ATXN7L3B: variants seen among roughly 807,000 people sequenced by gnomAD.
ATXN7L3B encodes the protein ataxin 7 like 3B.
ATXN7L3B carries 4 observed loss-of-function variants against 6.3 expected under a neutral mutation model. The observed-to-expected ratio is 0.63, with a 90% CI of 0.31 to 1.45. The LOEUF is 1.45. Among genes scored for constraint, ATXN7L3B ranks in the 40% most tolerant of loss-of-function variants. ATXN7L3B has a pLI of 0.07. For missense variants in ATXN7L3B, 120 were observed against 118.5 expected, an observed-to-expected ratio of 1.01 and a Z score of -0.06; for synonymous variants, 63 against 48.0, an observed-to-expected ratio of 1.31 and a Z score of -1.29.
chr12:74,538,143 A>G lies in ATXN7L3B; in HGVS notation c.31A>G (p.Thr11Ala), dbSNP rs779423791. The change falls in exon 1 of 1, where the codon ACT becomes GCT. Residue 11 changes from threonine to alanine, a missense_variant. Transcript: ENST00000519948. Reference sequence around the variant, plus strand: ...GGAAATTTCGTTGGCCAACCTGGATACTAACAAGCTAGAGGCCATCGCTCA... The same window carrying G: ...GGAAATTTCGTTGGCCAACCTGGATGCTAACAAGCTAGAGGCCATCGCTCA... MEEISLANLD[T>A]NKLEAIAQEI... The G allele has an allele frequency of 1.9e-6, 3 of 1,569,668 alleles. No individual in the cohort carries two copies. The highest frequency in any genetic ancestry group is 2.6e-6 in the Non-Finnish European group (3 of 1,157,418).
In ATXN7L3B at chr12:74,537,927, C is replaced by G; in HGVS notation, c.-186C>G. ...GCAACCCGGGAAACGTCAAAACAAA[C>G]AGAAGGACTTGGGATTCCGGAGCAG... On this transcript the variant is annotated 5_prime_UTR_variant, in exon 1 of 1. Coordinates refer to ENST00000519948, the MANE Select transcript of ATXN7L3B (RefSeq NM_001136262.2). The G allele has an allele frequency of 1.6e-6, 1 of 611,006 alleles. No homozygotes were observed. The highest frequency in any genetic ancestry group is 2.9e-6 in the Non-Finnish European group (1 of 348,994). The allele number at this position is 611,006 out of a possible 1,614,324, so 37.8% of individuals were successfully genotyped here. A position where few individuals can be genotyped will look rare whatever the true frequency, so the allele number is the denominator to read the frequency against.
Position 74,538,473 on chromosome 12 carries a change from A to G in ATXN7L3B, c.*67A>G. On this transcript the variant is annotated 3_prime_UTR_variant, in exon 1 of 1. Transcript: ENST00000519948. ...GACTGGTCCTGTGGCTTCGAGGAGT[A>G]AGCTAAGTAGAAAAAAGTAGAAAAA... 1 of 1,387,990 alleles carries G rather than the reference A, an allele frequency of 7.2e-7. No homozygotes were observed. The highest frequency in any genetic ancestry group is 2.5e-5 in the East Asian group (1 of 39,786). 86.0% of individuals were successfully genotyped at this position (1,387,990 alleles called of 1,614,324 possible). A position where few individuals can be genotyped will look rare whatever the true frequency, so the allele number is the denominator to read the frequency against.
rs1050582985 is a variant in ATXN7L3B, at chr12:74,540,267, C to T, written c.*1861C>T. The T allele has an allele frequency of 1.2e-5, 2 of 167,050 alleles. No homozygotes were observed. The highest frequency in any genetic ancestry group is 4.8e-5 in the African/African-American group (2 of 41,428). The allele number at this position is 167,050 out of a possible 1,614,324, so 10.3% of individuals were successfully genotyped here. ...TGTGCCCTCTTGCTGTGTCTTACTT[C>T]ATAAGGAGTTGTATCTTCCCACCTC... On this transcript the variant is annotated 3_prime_UTR_variant, in exon 1 of 1. Transcript: ENST00000519948.
chr12:74,538,204 T>G lies in ATXN7L3B; in HGVS notation c.92T>G (p.Leu31Trp). The change falls in exon 1 of 1, where the codon TTG (leucine) becomes TGG (tryptophan). Residue 31 changes from leucine (L) to tryptophan (W), a missense_variant. Transcript: ENST00000519948. Reference protein sequence around the residue: ...IYVDLIEDSCLGFCFEVHRAV... With the variant: ...IYVDLIEDSCWGFCFEVHRAV... ...GTAGACCTGATAGAGGATTCTTGTT[T>G]GGGATTCTGCTTTGAGGTGCACCGG... The G allele has an allele frequency of 6.2e-7, 1 of 1,604,284 alleles. No individual in the cohort carries two copies. The highest frequency in any genetic ancestry group is 8.5e-7 in the Non-Finnish European group (1 of 1,175,162).
rs1868921267 is a variant in ATXN7L3B, at chr12:74,542,415, T to G, written c.*4009T>G. On this transcript the variant is annotated 3_prime_UTR_variant, in exon 1 of 1. Transcript: ENST00000519948. Reference sequence around the variant, plus strand: ...ATACATCTGCAGCAAATACTTTTGGTTCCTGTTTTGTAGGTTTGGAGTTTA... The same window carrying G: ...ATACATCTGCAGCAAATACTTTTGGGTCCTGTTTTGTAGGTTTGGAGTTTA... 1 of 152,308 alleles carries G rather than the reference T, an allele frequency of 6.6e-6. No homozygotes were observed. The allele number at this position is 152,308 out of a possible 1,614,324, so 9.4% of individuals were successfully genotyped here. A position where few individuals can be genotyped will look rare whatever the true frequency, so the allele number is the denominator to read the frequency against.
In ATXN7L3B at chr12:74,540,613, T is replaced by G; in HGVS notation, c.*2207T>G. 6.0e-6 allele frequency: 1 copy of G among 167,110 alleles called. No homozygotes were observed. 10.4% of individuals were successfully genotyped at this position (167,110 alleles called of 1,614,324 possible). A position where few individuals can be genotyped will look rare whatever the true frequency, so the allele number is the denominator to read the frequency against. On this transcript the variant is annotated 3_prime_UTR_variant, in exon 1 of 1. Transcript: ENST00000519948. ...AATCAAACCTTGGCAAGAGCTAAAATAATTTGGAGATATCTTTGCCCTTGA... is the reference window on the plus strand; with the variant it reads ...AATCAAACCTTGGCAAGAGCTAAAAGAATTTGGAGATATCTTTGCCCTTGA...
rs1177185095 is a variant in ATXN7L3B at position 74,545,364 on chromosome 12, T to C, written c.*6958T>C. 1 of 152,110 alleles carries C rather than the reference T, an allele frequency of 6.6e-6. No individual in the cohort carries two copies. Among genetic ancestry groups the C allele is most frequent in the Non-Finnish European group, 1.5e-5 (1 of 67,940 alleles). The allele number at this position is 152,110 out of a possible 1,614,324, so 9.4% of individuals were successfully genotyped here. A position where few individuals can be genotyped will look rare whatever the true frequency, so the allele number is the denominator to read the frequency against. On this transcript the variant is annotated 3_prime_UTR_variant, in exon 1 of 1. Coordinates refer to ENST00000519948, the MANE Select transcript of ATXN7L3B (RefSeq NM_001136262.2). The stretch of plus-strand genomic sequence containing the variant: ...TTGCCTTTCTTTTGATGTTTAACAA[T>C]AGGCAAATCAATGCTGTATGTTGTT...
rs996642142 is a variant in ATXN7L3B at position 74,538,741 on chromosome 12, T to G, written c.*335T>G. ...CAGTTGTGTGCCCAGCATATAAAAT[T>G]TTTGGTTCCTCAGCCTTTCTGTCTG... is the stretch of plus-strand genomic sequence containing the variant. On this transcript the variant is annotated 3_prime_UTR_variant, in exon 1 of 1. Transcript: ENST00000519948. 4 of 267,384 alleles carry G rather than the reference T, an allele frequency of 1.5e-5. No homozygotes were observed. The highest frequency in any genetic ancestry group is 2.3e-5 in the Non-Finnish European group (3 of 129,944). 16.6% of individuals were successfully genotyped at this position (267,384 alleles called of 1,614,324 possible). A position where few individuals can be genotyped will look rare whatever the true frequency, so the allele number is the denominator to read the frequency against.
At position 74,543,244 on chromosome 12, in the gene ATXN7L3B, A is replaced by G. The variant is rs907792604; in HGVS notation, c.*4838A>G. The G allele has an allele frequency of 1.3e-5, 2 of 152,128 alleles. No homozygotes were observed. Among genetic ancestry groups the G allele is most frequent in the African/African-American group, 2.4e-5 (1 of 41,458 alleles). The allele number at this position is 152,128 out of a possible 1,614,324, so 9.4% of individuals were successfully genotyped here. On this transcript the variant is annotated 3_prime_UTR_variant, in exon 1 of 1. Coordinates refer to ENST00000519948, the MANE Select transcript of ATXN7L3B (RefSeq NM_001136262.2). ...AATCTTCAGCAGCAGTGACTTGCCC[A>G]TAGTTCAAAAAGCAAAAATTTACAA... is the stretch of plus-strand genomic sequence containing the variant.
Position 74,539,213 on chromosome 12 carries a change from G to C in ATXN7L3B, c.*807G>C. ...AGCAGGGACCTCTGCAACTATGCAT[G>C]ATTTCTCAAACTTCAAGATTCATGT... On this transcript the variant is annotated 3_prime_UTR_variant, in exon 1 of 1. Coordinates refer to ENST00000519948, the MANE Select transcript of ATXN7L3B (RefSeq NM_001136262.2). 1 of 167,282 alleles carries C rather than the reference G, an allele frequency of 6.0e-6. No homozygotes were observed. 10.4% of individuals were successfully genotyped at this position (167,282 alleles called of 1,614,324 possible). A position where few individuals can be genotyped will look rare whatever the true frequency, so the allele number is the denominator to read the frequency against.
At position 74,538,639 on chromosome 12, in the gene ATXN7L3B, G is replaced by C. The variant is rs906840876; in HGVS notation, c.*233G>C. On this transcript the variant is annotated 3_prime_UTR_variant, in exon 1 of 1. Transcript: ENST00000519948. ...GCAGGAGGAGCTGCACAGCCTGCGG[G>C]CCATGCAGTGCCTGTTGATCTCTAA... 4 of 549,622 alleles carry C rather than the reference G, an allele frequency of 7.3e-6. No individual in the cohort carries two copies. In the Middle Eastern group the frequency reaches 1.5e-3, roughly 206 times the overall value. 34.0% of individuals were successfully genotyped at this position (549,622 alleles called of 1,614,324 possible).
At position 74,539,107 on chromosome 12, in the gene ATXN7L3B, A is replaced by C. The variant is rs1868812180; in HGVS notation, c.*701A>C. 1 of 167,152 alleles carries C rather than the reference A, an allele frequency of 6.0e-6. No homozygotes were observed. The highest frequency in any genetic ancestry group is 1.5e-5 in the Non-Finnish European group (1 of 68,204). The allele number at this position is 167,152 out of a possible 1,614,324, so 10.4% of individuals were successfully genotyped here. A position where few individuals can be genotyped will look rare whatever the true frequency, so the allele number is the denominator to read the frequency against. On this transcript the variant is annotated 3_prime_UTR_variant, in exon 1 of 1. Coordinates refer to ENST00000519948, the MANE Select transcript of ATXN7L3B (RefSeq NM_001136262.2). The stretch of plus-strand genomic sequence containing the variant: ...GCAGAGCCCTCTTCCTTGCCCTCCA[A>C]CCTGGTGGCATAGGCTTGGCAAATG...
At position 74,543,730 on chromosome 12, in the gene ATXN7L3B, C is replaced by A. The variant is rs527521037; in HGVS notation, c.*5324C>A. 6.6e-6 allele frequency: 1 copy of A among 151,788 alleles called. No homozygotes were observed. Among genetic ancestry groups the A allele is most frequent in the African/African-American group, 2.4e-5 (1 of 41,452 alleles). The allele number at this position is 151,788 out of a possible 1,614,324, so 9.4% of individuals were successfully genotyped here. A position where few individuals can be genotyped will look rare whatever the true frequency, so the allele number is the denominator to read the frequency against. ...TCATCACATTACCATTAGAGAAAAT[C>A]CATGTGAAAATTTGAACTGATACTG... On this transcript the variant is annotated 3_prime_UTR_variant, in exon 1 of 1. Transcript: ENST00000519948.
rs959406699 is a variant in ATXN7L3B at position 74,538,885 on chromosome 12, C to G, written c.*479C>G. ...ACCTCTGTTATGGGCTTCTCTGAGA[C>G]AAGTAAATGTCAGGTGCAAGATCTG... On this transcript the variant is annotated 3_prime_UTR_variant, in exon 1 of 1. Coordinates refer to ENST00000519948, the MANE Select transcript of ATXN7L3B (RefSeq NM_001136262.2). 2.3e-5 allele frequency: 4 copies of G among 171,504 alleles called. No homozygotes were observed. The highest frequency in any genetic ancestry group is 9.6e-5 in the African/African-American group (4 of 41,502). The allele number at this position is 171,504 out of a possible 1,614,324, so 10.6% of individuals were successfully genotyped here.
In ATXN7L3B at chr12:74,541,980, A is replaced by G. The variant is rs1489425668; in HGVS notation, c.*3574A>G. On this transcript the variant is annotated 3_prime_UTR_variant, in exon 1 of 1. Coordinates refer to ENST00000519948, the MANE Select transcript of ATXN7L3B (RefSeq NM_001136262.2). ...CCCAGAGTTTGAGCACTTCCCCTAG[A>G]AACTACTTAGTGATCCTGTGTCCTA... The G allele has an allele frequency of 1.3e-5, 2 of 152,150 alleles. No homozygotes were observed. Among genetic ancestry groups the G allele is most frequent in the Admixed American group, 6.6e-5 (1 of 15,262 alleles). 9.4% of individuals were successfully genotyped at this position (152,150 alleles called of 1,614,324 possible). A position where few individuals can be genotyped will look rare whatever the true frequency, so the allele number is the denominator to read the frequency against.
At position 74,538,350 on chromosome 12, in the gene ATXN7L3B, G is replaced by C. The variant is rs1868777692; in HGVS notation, c.238G>C (p.Glu80Gln). 1.3e-6 allele frequency: 2 copies of C among 1,552,020 alleles called. No homozygotes were observed. Among genetic ancestry groups the C allele is most frequent in the Non-Finnish European group, 1.7e-6 (2 of 1,147,096 alleles). Residue 80 changes from glutamate (E) to glutamine (Q), a missense_variant, in exon 1 of 1, where the codon GAA becomes CAA. Physicochemically the swap from Glu to Gln is conservative, Grantham distance 29. Coordinates refer to ENST00000519948, the MANE Select transcript of ATXN7L3B (RefSeq NM_001136262.2). ...CCTCCCGCTTTGCTCCCTTCCCGGA[G>C]AACCTGGGAATGGGCCTGATCAGCA... ...CRLPLCSLPG[E>Q]PGNGPDQQLQ...
Position 74,542,408 on chromosome 12 carries a change from C to A in ATXN7L3B, c.*4002C>A, listed in dbSNP as rs1868920936. The A allele has an allele frequency of 6.6e-6, 1 of 152,080 alleles. No homozygotes were observed. Among genetic ancestry groups the A allele is most frequent in the South Asian group, 2.1e-4 (1 of 4,824 alleles). 9.4% of individuals were successfully genotyped at this position (152,080 alleles called of 1,614,324 possible). ...CTTTCAAATACATCTGCAGCAAATA[C>A]TTTTGGTTCCTGTTTTGTAGGTTTG... is the stretch of plus-strand genomic sequence containing the variant. On this transcript the variant is annotated 3_prime_UTR_variant, in exon 1 of 1. Transcript: ENST00000519948.
rs1428790711 is a variant in ATXN7L3B at position 74,544,157 on chromosome 12, ATG to A, written c.*5753_*5754del. 1 of 152,092 alleles carries A rather than the reference ATG, an allele frequency of 6.6e-6. No homozygotes were observed. The highest frequency in any genetic ancestry group is 1.5e-5 in the Non-Finnish European group (1 of 67,886). 9.4% of individuals were successfully genotyped at this position (152,092 alleles called of 1,614,324 possible). On this transcript the variant is annotated 3_prime_UTR_variant, in exon 1 of 1. Coordinates refer to ENST00000519948, the MANE Select transcript of ATXN7L3B (RefSeq NM_001136262.2). ...TTTAAAAAGTGTTATTAAATTTAGA[ATG>A]TAATTCAACAAGTTATAACAGTCCT...
rs1868911197 is a variant in ATXN7L3B, at chr12:74,541,986, C to CT, written c.*3582dup. Reference sequence around the variant, plus strand: ...GTTTGAGCACTTCCCCTAGAAACTACTTAGTGATCCTGTGTCCTAATCAGT... The same window carrying CT: ...GTTTGAGCACTTCCCCTAGAAACTACTTTAGTGATCCTGTGTCCTAATCAGT... On this transcript the variant is annotated 3_prime_UTR_variant, in exon 1 of 1. Coordinates refer to ENST00000519948, the MANE Select transcript of ATXN7L3B (RefSeq NM_001136262.2). The CT allele has an allele frequency of 1.3e-5, 2 of 152,160 alleles. No individual in the cohort carries two copies. Among genetic ancestry groups the CT allele is most frequent in the Admixed American group, 1.3e-4 (2 of 15,276 alleles). The allele number at this position is 152,160 out of a possible 1,614,324, so 9.4% of individuals were successfully genotyped here.
Sources: gnomAD v4.1 joint callset for allele counts on GRCh38, gnomAD v4.1.1 for gene constraint, MANE v1.5 for transcripts, NCBI Gene and HGNC (gene_info 2026-07-23, HGNC 2026-07-21) for gene names.